KCNQ3: variants seen among roughly 807,000 people sequenced by gnomAD.
The protein encoded by KCNQ3 is potassium voltage-gated channel subfamily KQT member 3.
KCNQ3 carries 30 observed loss-of-function variants against 92.5 expected under a neutral mutation model. That is an observed-to-expected ratio of 0.32 (90% CI 0.24 to 0.44). The LOEUF is 0.44. Among genes scored for constraint, KCNQ3 ranks in the 20% least tolerant of loss-of-function variants. The pLI is 1.00. For missense variants in KCNQ3, 913 were observed against 1,140.3 expected, an observed-to-expected ratio of 0.80 and a Z score of 2.87; for synonymous variants, 450 against 468.8, an observed-to-expected ratio of 0.96 and a Z score of 0.52.
rs546859182 is a variant in KCNQ3, at chr8:132,373,624, G to T, written c.386+106523C>A. ...CCTAGCTAACCAGCGTAAGAACAAA[G>T]TGAAAGTCCAGAGCCCCCAAGACCC... On this transcript the variant is annotated intron_variant, in intron 1 of 14. Transcript: ENST00000388996. 2.6e-5 allele frequency among the ~76,000 whole-genome samples: 4 copies of T among 152,256 alleles called. No homozygotes were observed. In the South Asian group the frequency reaches 6.2e-4, roughly 24 times the overall value.
intron 7 of KCNQ3, among the ~76,000 whole-genome samples, chr8:132,171,533 C>G (rs1015216004): frequency 6.6e-6 from 1 of 152,210 alleles, no homozygotes; most frequent in African/African-American, 2.4e-5. Flanking sequence ...CAACCCCCAG[C>G]CCATGTGAGG....
At chr8:132,283,090 C>CGTGTGTGTG (rs757535563) in intron 1 of KCNQ3, among the ~76,000 whole-genome samples, 2 of 137,838 alleles carry the variant, frequency 1.5e-5, no homozygotes, top group Non-Finnish European at 3.0e-5. Flanking sequence ...CTCTCTCTCT[C>CGTGTGTGTG]TCGTGTGTGT....
At chr8:132,232,841 G>A (rs1404779399) in intron 1 of KCNQ3, among the ~76,000 whole-genome samples, 1 of 152,152 alleles carries the variant, frequency 6.6e-6, no homozygotes, top group Non-Finnish European at 1.5e-5. Flanking sequence ...AAATGTGCTA[G>A]GAAGTCTTTT....
At chr8:132,380,853 AG>A in intron 1 of KCNQ3, among the ~76,000 whole-genome samples, 1 of 150,442 alleles carries the variant, frequency 6.6e-6, no homozygotes, top group Middle Eastern at 3.4e-3. Flanking sequence ...AGAAAGTCCC[AG>A]CTCATCACGA....
chr8:132,378,513 G>A (rs1819667578), intron 1 of KCNQ3, among the ~76,000 whole-genome samples: 1 of 152,140 alleles, frequency 6.6e-6, no homozygotes. Flanking sequence ...ACTTTTTCCA[G>A]GACACTTTTC....
At chr8:132,323,229 G>C (rs1353846300) in intron 1 of KCNQ3, among the ~76,000 whole-genome samples, 1 of 152,192 alleles carries the variant, frequency 6.6e-6, no homozygotes, top group Admixed American at 6.5e-5. Context: ...AAGATGAGCA[G>C]AGGATGAGGA....
At chr8:132,472,671 G>A (rs1392015023) in intron 1 of KCNQ3, among the ~76,000 whole-genome samples, 4 of 152,090 alleles carry the variant, frequency 2.6e-5, no homozygotes, top group Non-Finnish European at 1.5e-5. Flanking sequence ...TACAGTCAGA[G>A]GGAATAAGTT....
intron 1 of KCNQ3, among the ~76,000 whole-genome samples, chr8:132,192,720 G>A (rs1004134635): frequency 3.3e-5 from 5 of 152,076 alleles, no homozygotes; most frequent in South Asian, 2.1e-4. Flanking sequence ...CGCAATCTCC[G>A]CTCACTGCAA....
intron 1 of KCNQ3, among the ~76,000 whole-genome samples, chr8:132,215,195 A>T (rs1813990678): frequency 2.0e-5 from 3 of 152,228 alleles, no homozygotes; most frequent in Admixed American, 2.0e-4. Flanking sequence ...CAGTCACTTA[A>T]TCTTTCTGAA....
intron 1 of KCNQ3, among the ~76,000 whole-genome samples, chr8:132,220,976 C>A (rs573113696): frequency 2.0e-5 from 3 of 152,050 alleles, no homozygotes; most frequent in Non-Finnish European, 2.9e-5. Flanking sequence ...TGCTCTCCAC[C>A]CCATGACAGG....
intron 6 of KCNQ3, 64 bp downstream of exon 6, chr8:132,174,175 T>C: frequency 1.7e-6 from 2 of 1,151,560 alleles, no homozygotes; most frequent in Non-Finnish European, 2.6e-6. Context: ...AAAGTTGAGC[T>C]GGCACCAGGC....
chr8:132,406,454 T>C (rs1820481770), intron 1 of KCNQ3, among the ~76,000 whole-genome samples: 1 of 152,076 alleles, frequency 6.6e-6, no homozygotes, highest in Admixed American at 6.6e-5. Flanking sequence ...GAAGATTTGG[T>C]TCTGCCTTCT....
chr8:132,352,362 T>A (rs1375464019), intron 1 of KCNQ3, among the ~76,000 whole-genome samples: 1 of 152,156 alleles, frequency 6.6e-6, no homozygotes, highest in African/African-American at 2.4e-5. Context: ...TCGTCTAGTG[T>A]GCAAGGATGC....
rs150778850 is a variant in KCNQ3, at chr8:132,251,252, G to A, written c.387-65071C>T. Among the ~76,000 whole-genome samples, 682 of 152,158 alleles carry A rather than the reference G, an allele frequency of 4.5e-3. 5 individuals carry two copies. The highest frequency in any genetic ancestry group is 0.015 in the African/African-American group (627 of 41,492). On this transcript the variant is annotated intron_variant, in intron 1 of 14. Transcript: ENST00000388996. ...ACTGCACTCCAATCTGGATGACAGA[G>A]TGAGACTCTGAAGAAAAAAAAAGGC...
intron 1 of KCNQ3, among the ~76,000 whole-genome samples, chr8:132,352,706 C>G (rs570731575): frequency 7.9e-5 from 12 of 152,156 alleles, no homozygotes; most frequent in African/African-American, 2.7e-4. Flanking sequence ...ATGGAGATTA[C>G]GCTATTTTAA....
At chr8:132,388,057 G>GAAGA (rs1184336922) in intron 1 of KCNQ3, among the ~76,000 whole-genome samples, 1 of 150,846 alleles carries the variant, frequency 6.6e-6, no homozygotes, top group East Asian at 1.9e-4. Flanking sequence ...AGAAGAAGAA[G>GAAGA]AGAAGAAGAA....
intron 1 of KCNQ3, among the ~76,000 whole-genome samples, chr8:132,284,907 C>T (rs1816632925): frequency 6.6e-6 from 1 of 152,248 alleles, no homozygotes; most frequent in Admixed American, 6.5e-5. Context: ...CTATTTTGCT[C>T]TCTTTGCATG....
intron 1 of KCNQ3, among the ~76,000 whole-genome samples, chr8:132,288,054 A>T (rs1816728571): frequency 6.6e-6 from 1 of 152,200 alleles, no homozygotes; most frequent in South Asian, 2.1e-4. Context: ...TTCTTCTTGT[A>T]TGCATAAGTT....
At chr8:132,180,783 T>A (rs1182463009) in intron 3 of KCNQ3, among the ~76,000 whole-genome samples, 3 of 150,180 alleles carry the variant, frequency 2.0e-5, no homozygotes, top group Non-Finnish European at 4.4e-5. Flanking sequence ...AGTAATTTAT[T>A]GGAAGATGAT....
Sources: gnomAD v4.1 joint callset for allele counts (sites outside exome capture counted in the v4.1 genomes callset) on GRCh38, gnomAD v4.1.1 for gene constraint, MANE v1.5 for transcripts, NCBI Gene and HGNC (gene_info 2026-07-23, HGNC 2026-07-21) for gene names.